Variants in SLC18B1 observed in about 807,000 individuals in gnomAD.
The protein encoded by SLC18B1 is MFS-type transporter SLC18B1.
SLC18B1 carries 62 observed loss-of-function variants against 53.9 expected under a neutral mutation model. The observed-to-expected ratio is 1.15, with a 90% CI of 0.94 to 1.42. The LOEUF (loss-of-function observed/expected upper bound fraction) is 1.42. Ranked by LOEUF, SLC18B1 falls within the 40% of genes most tolerant of loss-of-function variation. SLC18B1 has a pLI of 0.00. For missense variants in SLC18B1, 598 were observed against 547.3 expected, an observed-to-expected ratio of 1.09 and a Z score of -0.93; for synonymous variants, 217 against 200.9, an observed-to-expected ratio of 1.08 and a Z score of -0.68.
At chr6:132,774,983 T>TA (rs1781064729) in intron 8 of SLC18B1, among the ~76,000 whole-genome samples, 1 of 152,130 alleles carries the variant, frequency 6.6e-6, no homozygotes, top group Non-Finnish European at 1.5e-5. Flanking sequence ...ATCACATTAT[T>TA]AAAAAATTAC....
chr6:132,784,145 T>C (rs905673896), intron 5 of SLC18B1, 56 bp from the exon 6 acceptor site: 4 of 1,370,872 alleles, frequency 2.9e-6, no homozygotes, highest in African/African-American at 3.0e-5. Flanking sequence ...AGAATTAACA[T>C]GGTACTATCT....
intron 2 of SLC18B1, among the ~76,000 whole-genome samples, chr6:132,791,981 A>C (rs1056326102): frequency 6.6e-6 from 1 of 151,950 alleles, no homozygotes; most frequent in Non-Finnish European, 1.5e-5. Context: ...TAATCCCAGC[A>C]CTTTAGGAAG....
At chr6:132,794,355 C>T (rs529526361) in intron 2 of SLC18B1, among the ~76,000 whole-genome samples, 18 of 152,002 alleles carry the variant, frequency 1.2e-4, no homozygotes, top group Admixed American at 2.6e-4. Context: ...CCTCCCACCT[C>T]AGCCTCCCAA....
intron 2 of SLC18B1, among the ~76,000 whole-genome samples, chr6:132,792,070 A>G (rs1781536366): frequency 6.6e-6 from 1 of 151,526 alleles, no homozygotes; most frequent in South Asian, 2.1e-4. Context: ...TCTACTAAAA[A>G]TACAAAAATT....
Position 132,770,300 on chromosome 6 carries a change from T to C in SLC18B1, c.1341A>G (p.Glu447=). The change falls in exon 14 of 14, where the codon GAA becomes GAG. Residue 447 remains glutamate (E), a synonymous_variant. Coordinates refer to ENST00000275227, the MANE Select transcript of SLC18B1 (RefSeq NM_052831.3). ...TTTCATTAGGCAAGAGAGTAGTTCG[T>C]TCCTCCTCTGTGCTGAGGATGTTTT... ...KSQNILSTEE[E]RTTLLPNET 1 of 1,613,918 alleles carries C rather than the reference T, an allele frequency of 6.2e-7. No homozygotes were observed. The highest frequency in any genetic ancestry group is 8.5e-7 in the Non-Finnish European group (1 of 1,179,758).
At chr6:132,790,069 T>C (rs1245695639) in intron 3 of SLC18B1, 108 bp downstream of exon 3, 5 of 860,476 alleles carry the variant, frequency 5.8e-6, no homozygotes, top group African/African-American at 3.4e-5. Flanking sequence ...TTTATAAAAC[T>C]ATAACGATGG....
intron 5 of SLC18B1, among the ~76,000 whole-genome samples, chr6:132,786,897 A>G (rs1451410988): frequency 1.3e-5 from 2 of 152,214 alleles, no homozygotes; most frequent in African/African-American, 2.4e-5. Context: ...ACGCATGTCA[A>G]TATCATGCCA....
chr6:132,771,046 G>T lies in SLC18B1; in HGVS notation c.1244C>A (p.Ala415Asp), dbSNP rs779756579. ...AGACTGATTACTCACACTTATCAGAGCCCATAGACCTTGTATAGCTGCTGC... is the reference window on the plus strand; with the variant it reads ...AGACTGATTACTCACACTTATCAGATCCCATAGACCTTGTATAGCTGCTGC... ...EWAAAIQGLW[A>D]LISGLAMGLF... The change falls in exon 12 of 14, where the codon GCT (alanine) becomes GAT (aspartate). Residue 415 changes from alanine to aspartate, a missense_variant. Ala to Asp is a moderately radical substitution (Grantham distance 126). Transcript: ENST00000275227. 6.2e-7 allele frequency: 1 copy of T among 1,614,040 alleles called. No homozygotes were observed. Among genetic ancestry groups the T allele is most frequent in the East Asian group, 2.2e-5 (1 of 44,870 alleles).
chr6:132,776,324 G>C lies in SLC18B1; in HGVS notation c.897+4C>G. ...TGACTCAAATATAAATTAAGTGTAC[G>C]TACTGGCCTTTTATCACTTAGGAGA... On this transcript the variant is annotated splice_donor_region_variant and intron_variant, in intron 8 of 13. Transcript: ENST00000275227. 3 of 1,605,304 alleles carry C rather than the reference G, an allele frequency of 1.9e-6. No individual in the cohort carries two copies. Among genetic ancestry groups the C allele is most frequent in the East Asian group, 4.5e-5 (2 of 44,772 alleles).
intron 7 of SLC18B1, among the ~76,000 whole-genome samples, 153 bp from the exon 8 acceptor site, chr6:132,776,582 CG>C (rs1276384553): frequency 6.6e-6 from 1 of 152,134 alleles, no homozygotes; most frequent in Non-Finnish European, 1.5e-5. Flanking sequence ...TTTGAAAATG[CG>C]TTACTTTTTC....
At chr6:132,774,113 T>C in intron 9 of SLC18B1, 109 bp downstream of exon 9, 3 of 639,032 alleles carry the variant, frequency 4.7e-6, no homozygotes, top group Non-Finnish European at 7.8e-6. Flanking sequence ...AAGTTAATTA[T>C]TTAAATATTA....
Position 132,776,373 on chromosome 6 carries a change from A to G in SLC18B1, c.852T>C (p.Tyr284=), listed in dbSNP as rs1374037542. The G allele has an allele frequency of 1.9e-6, 3 of 1,613,642 alleles. No homozygotes were observed. The highest frequency in any genetic ancestry group is 2.5e-6 in the Non-Finnish European group (3 of 1,179,816). Residue 284 remains tyrosine, a synonymous_variant, in exon 8 of 14, where the codon TAT becomes TAC. Transcript: ENST00000275227. ...GLVFLGMALS[Y]AISSPLFGLL... is the part of the protein sequence containing the mutation. ...GACCAAATAGTGGTGAAGAGATGGC[A>G]TAGGACAGTGCCATACCCAGGAATA...
At chr6:132,782,493 C>T (rs556450334) in intron 6 of SLC18B1, among the ~76,000 whole-genome samples, 1 of 151,878 alleles carries the variant, frequency 6.6e-6, no homozygotes, top group Non-Finnish European at 1.5e-5. Context: ...CAATAGATCT[C>T]CTGAACTTAC....
In SLC18B1 at chr6:132,776,356, AGTG is replaced by A. The variant is rs770237912; in HGVS notation, c.866_868del (p.Pro289del). The A allele has an allele frequency of 6.2e-7, 1 of 1,613,520 alleles. No homozygotes were observed. Among genetic ancestry groups the A allele is most frequent in the Admixed American group, 1.7e-5 (1 of 59,966 alleles). ...CCTTTTATCACTTAGGAGACCAAATAGTGGTGAAGAGATGGCATAGGACAGTGC... is the reference window on the plus strand; with the variant it reads ...CCTTTTATCACTTAGGAGACCAAATAGTGAAGAGATGGCATAGGACAGTGC... On this transcript the variant is annotated inframe_deletion, in exon 8 of 14. Transcript: ENST00000275227.
At chr6:132,784,111 A>G in intron 5 of SLC18B1, 22 bp from the exon 6 acceptor site, 1 of 1,524,174 alleles carries the variant, frequency 6.6e-7, no homozygotes, top group Non-Finnish European at 8.8e-7. Flanking sequence ...AAAAAGAAAA[A>G]ATCAGTTTAA....
At chr6:132,774,024 A>G (rs1193096664) in intron 9 of SLC18B1, among the ~76,000 whole-genome samples, 198 bp downstream of exon 9, 1 of 152,236 alleles carries the variant, frequency 6.6e-6, no homozygotes, top group African/African-American at 2.4e-5. Context: ...GACAGATTTT[A>G]TGCATTTTTT....
intron 5 of SLC18B1, among the ~76,000 whole-genome samples, chr6:132,786,857 G>A (rs1331783966): frequency 6.6e-6 from 1 of 152,104 alleles, no homozygotes; most frequent in Non-Finnish European, 1.5e-5. Flanking sequence ...ACTAATACCA[G>A]GTCTATACGC....
intron 4 of SLC18B1, among the ~76,000 whole-genome samples, chr6:132,789,264 C>T (rs73550486): frequency 0.024 from 3,681 of 152,222 alleles, 153 homozygotes; most frequent in African/African-American, 0.081. Context: ...GTCAGGCCAG[C>T]GGGGCTTCAT....
At chr6:132,788,435 A>G (rs7759524) in intron 4 of SLC18B1, among the ~76,000 whole-genome samples, 25,794 of 151,636 alleles carry the variant, frequency 0.17, 4,786 homozygotes, top group African/African-American at 0.47. Context: ...TCTTTTTTTG[A>G]TAACAATTTG....
Sources: allele counts gnomAD v4.1 joint callset (sites outside exome capture counted in the v4.1 genomes callset), GRCh38; gene constraint gnomAD v4.1.1; transcripts MANE v1.5; gene names NCBI Gene and HGNC (gene_info 2026-07-23, HGNC 2026-07-21).